Variants in MYT1L observed in about 807,000 individuals in gnomAD.
The protein encoded by MYT1L is myelin transcription factor 1-like protein.
In MYT1L, 12 loss-of-function variants were observed where a neutral mutation model predicts 126.7. That is an observed-to-expected ratio of 0.09 (90% CI 0.06 to 0.15). The LOEUF is 0.15. MYT1L is among the 10% of genes least tolerant of loss of function. The pLI is 1.00. For missense variants in MYT1L, 979 were observed against 1,585.2 expected (o/e 0.62, Z 6.49); for synonymous variants, 541 against 604.2 (o/e 0.90, Z 1.53).
chr2:1,839,808 G>A (rs180909086), intron 20 of MYT1L, among the ~76,000 whole-genome samples: 1 of 152,348 alleles, frequency 6.6e-6, no homozygotes, highest in East Asian at 1.9e-4. Context: ...TTTCTCAAGA[G>A]CTAGAAGACA....
At chr2:2,233,380 C>T (rs17247246) in intron 2 of MYT1L, among the ~76,000 whole-genome samples, 23,265 of 152,152 alleles carry the variant, frequency 0.15, 1,998 homozygotes, top group South Asian at 0.33. Flanking sequence ...TGGAGACCAA[C>T]GGGCTGCGGG....
intron 8 of MYT1L, among the ~76,000 whole-genome samples, chr2:1,945,541 C>T (rs1020073747): frequency 2.0e-5 from 3 of 152,144 alleles, no homozygotes; most frequent in Non-Finnish European, 2.9e-5. Context: ...GCTTGCATTG[C>T]CCATGGCAGG....
intron 23 of MYT1L, among the ~76,000 whole-genome samples, chr2:1,794,566 C>T (rs774709916): frequency 3.9e-5 from 6 of 152,140 alleles, no homozygotes; most frequent in East Asian, 1.9e-4. Flanking sequence ...AAGGCAGGGG[C>T]GGCACCCTGT....
At chr2:2,011,254 G>T (rs559325936) in intron 4 of MYT1L, among the ~76,000 whole-genome samples, 1 of 152,164 alleles carries the variant, frequency 6.6e-6, no homozygotes, top group South Asian at 2.1e-4. Context: ...AGCCAGGCAT[G>T]GTGGCATGTG....
chr2:2,282,962 C>T (rs1409785728), intron 2 of MYT1L, among the ~76,000 whole-genome samples: 2 of 152,146 alleles, frequency 1.3e-5, no homozygotes, highest in African/African-American at 4.8e-5. Context: ...GTAACCCTAG[C>T]CACTTGGGAG....
chr2:2,324,116 T>A (rs781258785), intron 1 of MYT1L: 1 of 152,190 alleles, frequency 6.6e-6, no homozygotes, highest in African/African-American at 2.4e-5. Flanking sequence ...TTTGCTCCAC[T>A]TTGGGAAGTG....
At chr2:1,864,116 C>T (rs993731542) in intron 18 of MYT1L, among the ~76,000 whole-genome samples, 4 of 152,156 alleles carry the variant, frequency 2.6e-5, no homozygotes, top group East Asian at 1.9e-4. Flanking sequence ...GGTGACAGGC[C>T]GGGCTGTGCC....
At chr2:2,143,212 C>T (rs1451346016) in intron 3 of MYT1L, among the ~76,000 whole-genome samples, 2 of 149,372 alleles carry the variant, frequency 1.3e-5, no homozygotes, top group African/African-American at 4.9e-5. Context: ...ATGGCGTGAA[C>T]TTGGGGTGCA....
intron 3 of MYT1L, among the ~76,000 whole-genome samples, chr2:2,057,318 C>T (rs2069722660): frequency 6.6e-6 from 1 of 151,768 alleles, no homozygotes; most frequent in South Asian, 2.1e-4. Flanking sequence ...CATCACCACG[C>T]CCACTCCCTG....
chr2:2,329,206 C>T (rs575614424), intron 1 of MYT1L, among the ~76,000 whole-genome samples: 3 of 148,242 alleles, frequency 2.0e-5, no homozygotes, highest in African/African-American at 7.5e-5. Context: ...CTAAATCCTA[C>T]TATAATCACA....
intron 23 of MYT1L, among the ~76,000 whole-genome samples, chr2:1,796,177 C>T (rs149682943): frequency 4.6e-5 from 7 of 152,362 alleles, no homozygotes; most frequent in East Asian, 1.9e-4. Context: ...AACACAGCTG[C>T]GTGGTCCAGA....
chr2:2,171,620 G>A (rs1401230546), intron 3 of MYT1L, among the ~76,000 whole-genome samples: 1 of 150,848 alleles, frequency 6.6e-6, no homozygotes, highest in Admixed American at 6.6e-5. Flanking sequence ...TCTTTTTGTC[G>A]TCGTCGTTGT....
At chr2:2,142,509 C>T (rs567079001) in intron 3 of MYT1L, among the ~76,000 whole-genome samples, 9 of 152,198 alleles carry the variant, frequency 5.9e-5, no homozygotes, top group South Asian at 4.2e-4. Flanking sequence ...AGGCGTGAAG[C>T]GTCAACTCCC....
chr2:2,296,366 A>G (rs1000561419), intron 1 of MYT1L, among the ~76,000 whole-genome samples: 1 of 151,616 alleles, frequency 6.6e-6, no homozygotes, highest in African/African-American at 2.4e-5. Flanking sequence ...TAGATCATTT[A>G]TTTTTTTTTA....
chr2:2,058,154 TC>T (rs2069862571), intron 3 of MYT1L, among the ~76,000 whole-genome samples: 1 of 152,242 alleles, frequency 6.6e-6, no homozygotes, highest in Non-Finnish European at 1.5e-5. Context: ...TGACAGCTCA[TC>T]ATGGTTTTAA....
chr2:2,066,089 C>T (rs1244277744), intron 3 of MYT1L, among the ~76,000 whole-genome samples: 1 of 152,046 alleles, frequency 6.6e-6, no homozygotes, highest in Non-Finnish European at 1.5e-5. Context: ...GCTCAAATAC[C>T]TTCTTTCAAT....
intron 2 of MYT1L, among the ~76,000 whole-genome samples, chr2:2,195,933 C>T (rs7596980): frequency 0.21 from 32,415 of 151,610 alleles, 4,393 homozygotes; most frequent in African/African-American, 0.4. Context: ...CTATCACATG[C>T]AAAACAGGAG....
intron 4 of MYT1L, among the ~76,000 whole-genome samples, chr2:2,048,959 A>G (rs1206017802): frequency 6.6e-6 from 1 of 152,230 alleles, no homozygotes; most frequent in Non-Finnish European, 1.5e-5. Context: ...CTTAAACTAC[A>G]GTCCAGAAAA....
At chr2:1,883,331 G>A (rs1475235098) in intron 18 of MYT1L, among the ~76,000 whole-genome samples, 1 of 152,132 alleles carries the variant, frequency 6.6e-6, no homozygotes, top group African/African-American at 2.4e-5. Context: ...TGTCAACAAC[G>A]GCACACATAT....
Sources: allele counts gnomAD v4.1 joint callset (sites outside exome capture counted in the v4.1 genomes callset), GRCh38; gene constraint gnomAD v4.1.1; transcripts MANE v1.5; gene names NCBI Gene and HGNC (gene_info 2026-07-23, HGNC 2026-07-21).